PCDHGB5: variants seen among roughly 807,000 people sequenced by gnomAD.
The protein encoded by PCDHGB5 is protocadherin gamma-B5.
PCDHGB5 carries 48 observed loss-of-function variants against 62.9 expected under a neutral mutation model. That is an observed-to-expected ratio of 0.76 (90% CI 0.61 to 0.97). The LOEUF (loss-of-function observed/expected upper bound fraction) is 0.97. PCDHGB5 is among the 50% of genes least tolerant of loss of function. The probability of loss-of-function intolerance (pLI) is 0.00; values close to 1 mark genes in which losing one functional copy is unlikely to be tolerated. For synonymous variants in PCDHGB5, 474 were observed against 511.2 expected, an observed-to-expected ratio of 0.93 and a Z score of 0.98; for missense variants, 1,118 against 1,198.6, an observed-to-expected ratio of 0.93 and a Z score of 0.99.
chr5:141,490,042 G>A lies in PCDHGB5; in HGVS notation c.2398-4765G>A. On this transcript the variant is annotated intron_variant, in intron 1 of 3. Transcript: ENST00000617380. This position sits in a 1 kb window ranked among gnomAD's most constrained non-coding sequence, Gnocchi z 5.4. ...TCTGCTGCTCCGCCTCAATGCCACT[G>A]ATCCAGACGAGGGCACCAACGGCCA... The A allele has an allele frequency of 6.2e-7, 1 of 1,614,266 alleles. No homozygotes were observed. Among genetic ancestry groups the A allele is most frequent in the Non-Finnish European group, 8.5e-7 (1 of 1,180,038 alleles).
chr5:141,428,344 G>T (rs970552377), intron 1 of PCDHGB5: 3 of 596,498 alleles, frequency 5.0e-6, no homozygotes, highest in Non-Finnish European at 6.1e-6. Flanking sequence ...CTTCTTCCTC[G>T]CAGTGATTTT....
At chr5:141,421,434 C>T (rs1247535353) in intron 1 of PCDHGB5, 1 of 1,613,980 alleles carries the variant, frequency 6.2e-7, no homozygotes, top group Non-Finnish European at 8.5e-7. Context: ...GCATCGTCTC[C>T]AGAGGGAAGA....
chr5:141,406,390 ATTC>A (rs2094804697), intron 1 of PCDHGB5, among the ~76,000 whole-genome samples: 1 of 152,172 alleles, frequency 6.6e-6, no homozygotes, highest in Non-Finnish European at 1.5e-5. Flanking sequence ...AGGTAAATGT[ATTC>A]TTCTTAGAGA....
At chr5:141,474,159 G>A (rs2154571930) in intron 1 of PCDHGB5, among the ~76,000 whole-genome samples, 1 of 152,226 alleles carries the variant, frequency 6.6e-6, no homozygotes, top group South Asian at 2.1e-4. Context: ...GAAAATGACA[G>A]GCCTTATTAT....
chr5:141,490,288 G>A lies in PCDHGB5; in HGVS notation c.2398-4519G>A. On this transcript the variant is annotated intron_variant, in intron 1 of 3. Coordinates refer to ENST00000617380, the MANE Select transcript of PCDHGB5 (RefSeq NM_018925.3). The surrounding 1 kb of genome is among the most constrained non-coding windows in gnomAD (Gnocchi z 5.4). ...GGATGTCAATGACAATGCCCCAGAG[G>A]TGCTATTGGCCTCTTTGGCCAACCC... The A allele has an allele frequency of 3.7e-6, 6 of 1,614,198 alleles. No individual in the cohort carries two copies. The highest frequency in any genetic ancestry group is 5.1e-6 in the Non-Finnish European group (6 of 1,180,042).
In PCDHGB5 at chr5:141,486,610, C is replaced by G; in HGVS notation, c.2398-8197C>G. 6.2e-7 allele frequency: 1 copy of G among 1,613,620 alleles called. No homozygotes were observed. The highest frequency in any genetic ancestry group is 8.5e-7 in the Non-Finnish European group (1 of 1,180,038). On this transcript the variant is annotated intron_variant, in intron 1 of 3. Coordinates refer to ENST00000617380, the MANE Select transcript of PCDHGB5 (RefSeq NM_018925.3). This position sits in a 1 kb window ranked among gnomAD's most constrained non-coding sequence, Gnocchi z 5.0. ...GGGACCTGCTTTGCTCCCTTGCAGC[C>G]TCTGACCCAGACTCTGGCTTGAATG...
chr5:141,464,773 C>G (rs576769467), intron 1 of PCDHGB5, among the ~76,000 whole-genome samples: 79 of 152,106 alleles, frequency 5.2e-4, no homozygotes, highest in African/African-American at 1.9e-3. Context: ...GAATCTTGTT[C>G]TGTTGCCCAG....
In PCDHGB5 at chr5:141,477,963, A is replaced by C; in HGVS notation, c.2398-16844A>C. ...TACAGTCTCTTGGGATCCCCTAACC[A>C]GAGCCTTTTTGCCATAGGGCTGCAC... On this transcript the variant is annotated intron_variant, in intron 1 of 3. Coordinates refer to ENST00000617380, the MANE Select transcript of PCDHGB5 (RefSeq NM_018925.3). The surrounding 1 kb of genome is among the most constrained non-coding windows in gnomAD (Gnocchi z 4.9). The C allele has an allele frequency of 1.2e-6, 2 of 1,614,118 alleles. No individual in the cohort carries two copies. The highest frequency in any genetic ancestry group is 1.7e-6 in the Non-Finnish European group (2 of 1,180,024).
At chr5:141,409,709 T>G (rs1328690143) in intron 1 of PCDHGB5, 2 of 1,613,198 alleles carry the variant, frequency 1.2e-6, no homozygotes, top group Non-Finnish European at 8.5e-7. Context: ...GGCGGTGTCG[T>G]CATACGTGTC....
chr5:141,422,539 C>T (rs1335732614), intron 1 of PCDHGB5: 6 of 1,613,876 alleles, frequency 3.7e-6, no homozygotes, highest in Middle Eastern at 1.6e-4. Context: ...TGCAGAAACT[C>T]ATGTCTGGCT....
Position 141,476,676 on chromosome 5 carries a change from G to T in PCDHGB5, c.2398-18131G>T. 1.2e-6 allele frequency: 2 copies of T among 1,614,222 alleles called. No individual in the cohort carries two copies. The highest frequency in any genetic ancestry group is 1.7e-6 in the Non-Finnish European group (2 of 1,180,054). ...TACTTTGCGCTTCGCGTGCAGACGC[G>T]GGAGGACAGCACCAAGTACGCGGAG... On this transcript the variant is annotated intron_variant, in intron 1 of 3. Transcript: ENST00000617380. The surrounding 1 kb of genome is among the most constrained non-coding windows in gnomAD (Gnocchi z 7.6).
At chr5:141,496,768 A>G (rs997951321) in intron 2 of PCDHGB5, among the ~76,000 whole-genome samples, 10 of 152,260 alleles carry the variant, frequency 6.6e-5, no homozygotes, top group African/African-American at 2.4e-4. Context: ...TCGAGCATCT[A>G]CTATGAGCAG....
intron 1 of PCDHGB5, chr5:141,417,840 A>G (rs2096168680): frequency 2.0e-6 from 3 of 1,536,422 alleles, no homozygotes; most frequent in African/African-American, 2.8e-5. Context: ...GCGGGGACCC[A>G]GCGAGAACCC....
At chr5:141,402,765 C>T (rs2150942715) in intron 1 of PCDHGB5, among the ~76,000 whole-genome samples, 1 of 152,322 alleles carries the variant, frequency 6.6e-6, no homozygotes, top group Admixed American at 6.5e-5. Flanking sequence ...ATCAGGACTC[C>T]ATCCGGATTT....
In PCDHGB5 at chr5:141,476,255, G is replaced by A. The variant is rs767691159; in HGVS notation, c.2398-18552G>A. 6.2e-7 allele frequency: 1 copy of A among 1,614,090 alleles called. No individual in the cohort carries two copies. Among genetic ancestry groups the A allele is most frequent in the Admixed American group, 1.7e-5 (1 of 60,022 alleles). ...GGAGGAAAGAGAGAAGGGTTTCGCT[G>A]TGGGCAACGTGGTCGCGAACCTTGG... On this transcript the variant is annotated intron_variant, in intron 1 of 3. Transcript: ENST00000617380. The surrounding 1 kb of genome is among the most constrained non-coding windows in gnomAD (Gnocchi z 7.6).
intron 1 of PCDHGB5, among the ~76,000 whole-genome samples, chr5:141,453,216 C>T (rs565229516): frequency 8.5e-5 from 13 of 152,080 alleles, no homozygotes; most frequent in Non-Finnish European, 1.0e-4. Context: ...TGCACTTAAG[C>T]GATCCTCCCA....
chr5:141,505,348 G>C, intron 2 of PCDHGB5, 45 bp from the exon 3 acceptor site: 1 of 1,613,358 alleles, frequency 6.2e-7, no homozygotes, highest in Non-Finnish European at 8.5e-7. Flanking sequence ...GGCATGAGCT[G>C]TGCCGGCCTG....
intron 1 of PCDHGB5, chr5:141,413,112 G>A (rs1589839162): frequency 6.7e-7 from 1 of 1,502,662 alleles, no homozygotes; most frequent in East Asian, 2.3e-5. Flanking sequence ...GAAAGACAAA[G>A]GAACCGGTTG....
rs1390441638 is a variant in PCDHGB5, at chr5:141,432,562, C to T, written c.2397+32038C>T. 1.9e-6 allele frequency: 3 copies of T among 1,613,964 alleles called. No individual in the cohort carries two copies. Among genetic ancestry groups the T allele is most frequent in the Non-Finnish European group, 2.5e-6 (3 of 1,180,004 alleles). On this transcript the variant is annotated intron_variant, in intron 1 of 3. Coordinates refer to ENST00000617380, the MANE Select transcript of PCDHGB5 (RefSeq NM_018925.3). This position sits in a 1 kb window ranked among gnomAD's most constrained non-coding sequence, Gnocchi z 6.0. ...CGGTGGACAGAGACTCCGGCCAGAA[C>T]GCCTGGCTGTCCTACCGTCTGCTCA...
Sources: gnomAD v4.1 joint callset for allele counts (sites outside exome capture counted in the v4.1 genomes callset) on GRCh38, gnomAD v4.1.1 for gene constraint, Gnocchi (gnomAD v3.1) non-coding constraint, MANE v1.5 for transcripts, NCBI Gene and HGNC (gene_info 2026-07-23, HGNC 2026-07-21) for gene names.